The following ZZZ3 variants were observed in gnomAD, a reference collection of about 807,000 sequenced individuals.
The protein encoded by ZZZ3 is zinc finger ZZ-type containing 3, also known as ZZ-type zinc finger-containing protein 3.
A neutral mutation model predicts 95.2 loss-of-function variants in ZZZ3; 22 were observed. That is an observed-to-expected ratio of 0.23 (90% confidence interval 0.17 to 0.33). ZZZ3 has a LOEUF of 0.33. Among genes scored for constraint, ZZZ3 ranks in the 10% least tolerant of loss-of-function variants. ZZZ3 has a pLI of 1.00. For missense variants in ZZZ3, 885 were observed against 1,066.5 expected, an observed-to-expected ratio of 0.83 and a Z score of 2.37; for synonymous variants, 335 against 358.9, an observed-to-expected ratio of 0.93 and a Z score of 0.75.
intron 1 of ZZZ3, among the ~76,000 whole-genome samples, chr1:77,675,334 A>AT (rs990538235): frequency 1.3e-5 from 2 of 152,184 alleles, no homozygotes; most frequent in African/African-American, 2.4e-5. Flanking sequence ...CTTCTGACCA[A>AT]TTAAAAAAAA....
chr1:77,562,684 C>G lies in ZZZ3; in HGVS notation c.*2956G>C, dbSNP rs1221342632. 1 of 152,222 alleles carries G rather than the reference C, an allele frequency of 6.6e-6. No homozygotes were observed. Among genetic ancestry groups the G allele is most frequent in the African/African-American group, 2.4e-5 (1 of 41,450 alleles). The allele number at this position is 152,222 out of a possible 1,614,324, so 9.4% of individuals were successfully genotyped here. A position where few individuals can be genotyped will look rare whatever the true frequency, so the allele number is the denominator to read the frequency against. On this transcript the variant is annotated 3_prime_UTR_variant, in exon 15 of 15. Coordinates refer to ENST00000370801, the MANE Select transcript of ZZZ3 (RefSeq NM_015534.6). ...AAAATCCTACCCAAGGCAGGAAACA[C>G]AAGCCTTAGTCCCAGCTTTGCCTGA...
At chr1:77,673,921 A>G (rs1279332009) in intron 1 of ZZZ3, among the ~76,000 whole-genome samples, 2 of 152,104 alleles carry the variant, frequency 1.3e-5, no homozygotes, top group African/African-American at 4.8e-5. Context: ...AAAGAATGAA[A>G]AGCAAGCTAC....
intron 5 of ZZZ3, among the ~76,000 whole-genome samples, chr1:77,617,231 A>C (rs2100764583): frequency 6.6e-6 from 1 of 152,198 alleles, no homozygotes; most frequent in East Asian, 1.9e-4. Context: ...ACCATTATCC[A>C]GTTCCAAAAC....
chr1:77,572,907 C>A (rs995560355), intron 12 of ZZZ3, among the ~76,000 whole-genome samples: 2 of 151,584 alleles, frequency 1.3e-5, no homozygotes, highest in Non-Finnish European at 2.9e-5. Context: ...CAGCTTCCAA[C>A]AGTACTAGGA....
At chr1:77,613,748 G>A (rs1666036511) in intron 5 of ZZZ3, among the ~76,000 whole-genome samples, 1 of 152,054 alleles carries the variant, frequency 6.6e-6, no homozygotes, top group Non-Finnish European at 1.5e-5. Context: ...TACCAAGAGT[G>A]CTATTCCTAC....
Position 77,641,597 on chromosome 1 carries a change from G to A in ZZZ3, c.-344C>T. 1 of 398,180 alleles carries A rather than the reference G, an allele frequency of 2.5e-6. No homozygotes were observed. 24.7% of individuals were successfully genotyped at this position (398,180 alleles called of 1,614,324 possible). ...TCTGTCATCACTGTTAATTGTCCATGTTACACTGAGACTTCAGGTATTATT... is the reference window on the plus strand; with the variant it reads ...TCTGTCATCACTGTTAATTGTCCATATTACACTGAGACTTCAGGTATTATT... On this transcript the variant is annotated 5_prime_UTR_variant, in exon 2 of 15. Transcript: ENST00000370801.
chr1:77,658,601 C>T (rs1306797906), intron 1 of ZZZ3, among the ~76,000 whole-genome samples: 2 of 151,114 alleles, frequency 1.3e-5, no homozygotes, highest in Non-Finnish European at 2.9e-5. Context: ...TGGGCTCAAG[C>T]GATCCTCCCG....
chr1:77,666,759 G>C (rs1671285990), intron 1 of ZZZ3, among the ~76,000 whole-genome samples: 1 of 152,120 alleles, frequency 6.6e-6, no homozygotes, highest in Non-Finnish European at 1.5e-5. Flanking sequence ...CATCAGGTAT[G>C]ATCATTACTA....
chr1:77,609,582 A>G (rs1484749242), intron 5 of ZZZ3, among the ~76,000 whole-genome samples: 1 of 152,162 alleles, frequency 6.6e-6, no homozygotes, highest in African/African-American at 2.4e-5. Context: ...TGTCTGCAGA[A>G]TACACATCCT....
chr1:77,578,988 G>C (rs1557694059), intron 10 of ZZZ3, 119 bp from the exon 11 acceptor site: 1 of 452,854 alleles, frequency 2.2e-6, no homozygotes, highest in Non-Finnish European at 3.7e-6. Context: ...TACTCATCAT[G>C]AATCTAGAAT....
At chr1:77,640,943 A>T (rs915039887) in intron 3 of ZZZ3, 1 of 152,266 alleles carries the variant, frequency 6.6e-6, no homozygotes, top group Non-Finnish European at 1.5e-5. Context: ...GAAATGCTTT[A>T]AAAAGCACAA....
intron 5 of ZZZ3, among the ~76,000 whole-genome samples, chr1:77,610,366 T>C (rs1021097170): frequency 1.3e-5 from 2 of 151,944 alleles, no homozygotes; most frequent in Non-Finnish European, 2.9e-5. Context: ...AATGGCTTCA[T>C]TGCTGAATTC....
intron 6 of ZZZ3, 55 bp downstream of exon 6, chr1:77,584,462 C>G (rs1662867650): frequency 6.5e-7 from 1 of 1,532,794 alleles, no homozygotes; most frequent in Non-Finnish European, 8.8e-7. Context: ...ACCAAATTCT[C>G]TTAAGCTATT....
intron 11 of ZZZ3, among the ~76,000 whole-genome samples, chr1:77,576,920 C>T (rs2100527595): frequency 6.6e-6 from 1 of 152,334 alleles, no homozygotes. Context: ...TTAATCCTTA[C>T]AACATTCCTA....
intron 5 of ZZZ3, among the ~76,000 whole-genome samples, chr1:77,587,740 A>G (rs1663247075): frequency 2.0e-5 from 3 of 152,214 alleles, no homozygotes; most frequent in Non-Finnish European, 4.4e-5. Flanking sequence ...CTTGAACAAC[A>G]CAACACAGTT....
At chr1:77,644,909 T>C (rs550900671) in intron 1 of ZZZ3, among the ~76,000 whole-genome samples, 4 of 152,346 alleles carry the variant, frequency 2.6e-5, no homozygotes, top group African/African-American at 7.2e-5. Context: ...TTGAAAAAAC[T>C]ACATCAGTTT....
chr1:77,568,978 A>G (rs890931666), intron 12 of ZZZ3, among the ~76,000 whole-genome samples: 1 of 152,202 alleles, frequency 6.6e-6, no homozygotes, highest in African/African-American at 2.4e-5. Flanking sequence ...AACAAGATGA[A>G]CTGAGTTACA....
At position 77,605,807 on chromosome 1, in the gene ZZZ3, C is replaced by T. The variant is rs866165078; in HGVS notation, c.1506-21152G>A. On this transcript the variant is annotated intron_variant, in intron 5 of 14. Transcript: ENST00000370801. ...CATCCATCATTTGCTGACTAAAGAG[C>T]CTGTGGACCTTGAATAACCAGCAGT... 1.7e-4 allele frequency among the ~76,000 whole-genome samples: 26 copies of T among 152,188 alleles called. No individual in the cohort carries two copies. In the Middle Eastern group the frequency reaches 0.01, roughly 60 times the overall value.
intron 7 of ZZZ3, 29 bp downstream of exon 7, chr1:77,581,950 A>G: frequency 2.5e-6 from 4 of 1,600,576 alleles, no homozygotes; most frequent in Non-Finnish European, 3.4e-6. Context: ...ATATTTTTCT[A>G]CTTAAATTCT....
Sources: allele counts gnomAD v4.1 joint callset (sites outside exome capture counted in the v4.1 genomes callset), GRCh38; gene constraint gnomAD v4.1.1; transcripts MANE v1.5; gene names NCBI Gene and HGNC (gene_info 2026-07-23, HGNC 2026-07-21).